Variants in SMIM7 observed in about 807,000 individuals in gnomAD.
SMIM7 encodes small integral membrane protein 7.
Under a neutral mutation model 13.3 loss-of-function variants are expected in SMIM7, and 12 were observed. The ratio of observed to expected loss-of-function variants is 0.90; its 90% CI spans 0.58 to 1.46. The LOEUF (loss-of-function observed/expected upper bound fraction) is 1.46, where lower values mean the gene tolerates loss of function less well. Among genes scored for constraint, SMIM7 ranks in the 40% most tolerant of loss-of-function variants. SMIM7 has a pLI of 0.00. For missense variants in SMIM7, 114 were observed against 94.8 expected (o/e 1.20, Z -0.84); for synonymous variants, 36 against 35.8 (o/e 1.01, Z -0.02).
intron 3 of SMIM7, among the ~76,000 whole-genome samples, chr19:16,654,966 C>A (rs1165169177): frequency 2.0e-5 from 3 of 152,062 alleles, no homozygotes; most frequent in African/African-American, 7.2e-5. Context: ...CCAACCCTAA[C>A]CAGTCTCACA....
chr19:16,642,685 A>G (rs2086412385), downstream of SMIM7, among the ~76,000 whole-genome samples: 1 of 152,150 alleles, frequency 6.6e-6, no homozygotes, highest in Non-Finnish European at 1.5e-5. Flanking sequence ...CCCAAAAAAT[A>G]AAAATAAAAA....
chr19:16,647,069 G>A lies in SMIM7; in HGVS notation c.*177C>T, dbSNP rs2086457772. ...CAAAGTGAAACTATCTTTGAAAACA[G>A]GGACGTGGCTGGGAAACCATGCACA... On this transcript the variant is annotated 3_prime_UTR_variant, in exon 5 of 5. Transcript: ENST00000487416. 1 of 716,684 alleles carries A rather than the reference G, an allele frequency of 1.4e-6. No individual in the cohort carries two copies. Among genetic ancestry groups the A allele is most frequent in the African/African-American group, 1.8e-5 (1 of 56,486 alleles). The allele number at this position is 716,684 out of a possible 1,614,324, so 44.4% of individuals were successfully genotyped here.
intron 3 of SMIM7, among the ~76,000 whole-genome samples, chr19:16,654,611 G>T (rs2086573227): frequency 6.6e-6 from 1 of 151,790 alleles, no homozygotes; most frequent in Non-Finnish European, 1.5e-5. Context: ...TGAACTCCTG[G>T]CTTCAAGTGA....
At chr19:16,659,886 C>T (rs1448536759) in intron 2 of SMIM7, 73 bp downstream of exon 2, 4 of 1,537,848 alleles carry the variant, frequency 2.6e-6, no homozygotes, top group Admixed American at 1.9e-5. Flanking sequence ...GAGAAGTGCG[C>T]CGAGATCACG....
At chr19:16,651,551 G>C (rs1346844695) in intron 4 of SMIM7, among the ~76,000 whole-genome samples, 1 of 152,170 alleles carries the variant, frequency 6.6e-6, no homozygotes, top group Non-Finnish European at 1.5e-5. Flanking sequence ...GAGGATGCCC[G>C]AGGCTGCTGT....
At chr19:16,652,514 T>C (rs1324619008) in intron 4 of SMIM7, 3 of 1,032,432 alleles carry the variant, frequency 2.9e-6, no homozygotes, top group Non-Finnish European at 3.5e-6. Context: ...TCCTACAATT[T>C]CATGTAAGTT....
At chr19:16,641,134 T>C (rs932544696), downstream of SMIM7, 3 of 152,070 alleles carry the variant, frequency 2.0e-5, no homozygotes, top group African/African-American at 7.2e-5. Flanking sequence ...AGTTGAGCGG[T>C]TGGCAAATTT....
intron 4 of SMIM7, chr19:16,653,602 CA>C (rs937399991): frequency 6.8e-5 from 11 of 161,912 alleles, no homozygotes; most frequent in South Asian, 1.7e-4. Flanking sequence ...AACAAACAAA[CA>C]AAAAAAACAG....
intron 4 of SMIM7, among the ~76,000 whole-genome samples, chr19:16,632,564 G>A (rs1263143042): frequency 7.1e-6 from 1 of 141,648 alleles, no homozygotes; most frequent in Non-Finnish European, 1.5e-5. Context: ...TTGAGGCAGA[G>A]TCTCGCTTTG....
At chr19:16,651,513 CTA>C (rs746294031) in intron 4 of SMIM7, among the ~76,000 whole-genome samples, 22 of 152,306 alleles carry the variant, frequency 1.4e-4, no homozygotes, top group Non-Finnish European at 3.1e-4. Context: ...GGGCTACTGA[CTA>C]TGCAGGTCTT....
intron 4 of SMIM7, 65 bp from the exon 5 acceptor site, chr19:16,647,326 A>C: frequency 6.3e-7 from 1 of 1,589,858 alleles, no homozygotes; most frequent in Non-Finnish European, 8.6e-7. Context: ...AAATATTGTC[A>C]GCGATTATTT....
intron 4 of SMIM7, among the ~76,000 whole-genome samples, chr19:16,649,471 G>A (rs983115259): frequency 6.6e-6 from 1 of 152,176 alleles, no homozygotes; most frequent in Admixed American, 6.5e-5. Flanking sequence ...TACTCAGGAG[G>A]CTGAGGCAGG....
At chr19:16,652,854 G>C (rs1477233088) in intron 4 of SMIM7, 3 of 1,550,328 alleles carry the variant, frequency 1.9e-6, no homozygotes, top group East Asian at 4.9e-5. Context: ...CTCCCGTCGT[G>C]TCTTTTCCTA....
At chr19:16,643,886 G>A (rs2086423083), downstream of SMIM7, 1 of 152,170 alleles carries the variant, frequency 6.6e-6, no homozygotes, top group Non-Finnish European at 1.5e-5. Context: ...TATAATCCAA[G>A]TCCAGCAACA....
intron 4 of SMIM7, among the ~76,000 whole-genome samples, chr19:16,653,207 A>C (rs2086551268): frequency 2.6e-5 from 4 of 152,152 alleles, no homozygotes; most frequent in Admixed American, 2.6e-4. Context: ...GTTCCAATAA[A>C]AGTTCCAGCC....
intron 2 of SMIM7, 118 bp from the exon 3 acceptor site, chr19:16,659,565 G>C: frequency 9.8e-7 from 1 of 1,020,490 alleles, no homozygotes; most frequent in Non-Finnish European, 1.5e-6. Flanking sequence ...CCGCAAACTT[G>C]CTGTGTGACC....
chr19:16,654,191 T>C (rs2086566555), intron 3 of SMIM7, 66 bp from the exon 4 acceptor site: 21 of 1,380,552 alleles, frequency 1.5e-5, no homozygotes, highest in Non-Finnish European at 2.0e-5. Flanking sequence ...ACCTCAGCAG[T>C]GGATTTTTGT....
chr19:16,638,636 T>C (rs532892925), intron 4 of SMIM7, among the ~76,000 whole-genome samples: 2 of 152,266 alleles, frequency 1.3e-5, no homozygotes, highest in South Asian at 4.1e-4. Context: ...AAATTACCCA[T>C]TTCTTTATAG....
intron 4 of SMIM7, among the ~76,000 whole-genome samples, chr19:16,648,706 G>A (rs937242252): frequency 6.6e-6 from 1 of 152,084 alleles, no homozygotes; most frequent in Non-Finnish European, 1.5e-5. Flanking sequence ...AGGGAAATGT[G>A]AATCAAAACC....
Sources: allele counts gnomAD v4.1 joint callset (sites outside exome capture counted in the v4.1 genomes callset), GRCh38; gene constraint gnomAD v4.1.1; transcripts MANE v1.5; gene names NCBI Gene and HGNC (gene_info 2026-07-23, HGNC 2026-07-21).